The following SLC30A9 variants were observed in gnomAD, a reference collection of about 807,000 sequenced individuals.
SLC30A9 encodes solute carrier family 30 member 9.
In SLC30A9, 58 loss-of-function variants were observed where a neutral mutation model predicts 87.5. The observed-to-expected ratio is 0.66, with a 90% CI of 0.54 to 0.82. The LOEUF is 0.82. Among genes scored for constraint, SLC30A9 ranks in the 40% least tolerant of loss-of-function variants. The probability of loss-of-function intolerance (pLI) is 0.00; values close to 1 mark genes in which losing one functional copy is unlikely to be tolerated. For synonymous variants in SLC30A9, 234 were observed against 233.0 expected (o/e 1.00, Z -0.04); for missense variants, 557 against 679.1 (o/e 0.82, Z 2.00).
At chr4:42,023,695 G>A (rs572345127) in intron 6 of SLC30A9, among the ~76,000 whole-genome samples, 9 of 152,172 alleles carry the variant, frequency 5.9e-5, no homozygotes, top group Non-Finnish European at 1.5e-5. Context: ...AGAATAGGAA[G>A]TAATTGCTGT....
intron 2 of SLC30A9, among the ~76,000 whole-genome samples, chr4:42,008,319 C>T (rs371184395): frequency 1.6e-4 from 25 of 152,286 alleles, no homozygotes; most frequent in African/African-American, 5.3e-4. Flanking sequence ...TAATACTACC[C>T]TAATTTAATT....
chr4:42,014,462 CAGG>C (rs1715609160), intron 2 of SLC30A9, among the ~76,000 whole-genome samples: 1 of 151,424 alleles, frequency 6.6e-6, no homozygotes, highest in South Asian at 2.1e-4. Flanking sequence ...GAGGCTGAGG[CAGG>C]AGAATTGCTT....
At chr4:42,054,039 G>T (rs2153138997) in intron 9 of SLC30A9, among the ~76,000 whole-genome samples, 1 of 152,300 alleles carries the variant, frequency 6.6e-6, no homozygotes, top group African/African-American at 2.4e-5. Context: ...TCAAGGGTAT[G>T]TGTATTTGTT....
In SLC30A9 at chr4:42,039,018, G is replaced by A. The variant is rs200345900; in HGVS notation, c.702G>A (p.Lys234=). ...PRSRTASVFF[K]GPGKVVMVAI... is the part of the protein sequence containing the mutation. ...CCAGAACAGCATCAGTGTTTTTTAA[G>A]GGACCAGGAAAAGTGGTGATGGTTG... is the stretch of plus-strand genomic sequence containing the variant. Residue 234 remains lysine (K), a synonymous_variant, in exon 8 of 18, where the codon AAG becomes AAA. Coordinates refer to ENST00000264451, the MANE Select transcript of SLC30A9 (RefSeq NM_006345.4). 1.2e-6 allele frequency: 2 copies of A among 1,613,758 alleles called. No individual in the cohort carries two copies. The highest frequency in any genetic ancestry group is 2.2e-5 in the East Asian group (1 of 44,832).
In SLC30A9 at chr4:42,060,261, T is replaced by C; in HGVS notation, c.896+15T>C. 1 of 1,602,448 alleles carries C rather than the reference T, an allele frequency of 6.2e-7. No individual in the cohort carries two copies. Among genetic ancestry groups the C allele is most frequent in the Non-Finnish European group, 8.5e-7 (1 of 1,170,158 alleles). ...CCTTCTCATCCGTAAGGACATTGCC[T>C]TATTTTGTTTTTGTTTGTTTTGGCG... On this transcript the variant is annotated intron_variant, in intron 10 of 17. Transcript: ENST00000264451.
In SLC30A9 at chr4:41,990,569, G is replaced by C; in HGVS notation, c.-83G>C. 1 of 786,442 alleles carries C rather than the reference G, an allele frequency of 1.3e-6. No individual in the cohort carries two copies. The highest frequency in any genetic ancestry group is 1.7e-5 in the South Asian group (1 of 58,012). 48.7% of individuals were successfully genotyped at this position (786,442 alleles called of 1,614,324 possible). ...GGCGAAGCCATCGGTGTTCGCTGAT[G>C]TCCAGTCTATGGAGTCAGTTGGTAC... On this transcript the variant is annotated 5_prime_UTR_variant, in exon 1 of 18. It removes an upstream start codon present in the reference 5' UTR. Transcript: ENST00000264451.
chr4:42,064,145 T>C (rs903960312), intron 11 of SLC30A9, among the ~76,000 whole-genome samples: 2 of 152,148 alleles, frequency 1.3e-5, no homozygotes, highest in Non-Finnish European at 2.9e-5. Flanking sequence ...TACTGAACAA[T>C]CTTAGTAGCT....
intron 9 of SLC30A9, among the ~76,000 whole-genome samples, chr4:42,053,980 C>T (rs1249784153): frequency 1.3e-5 from 2 of 152,004 alleles, no homozygotes; most frequent in Non-Finnish European, 2.9e-5. Context: ...GCACAGGGAG[C>T]TTTTTGGGAA....
chr4:42,048,109 G>A (rs186905984), intron 8 of SLC30A9, among the ~76,000 whole-genome samples: 1 of 152,216 alleles, frequency 6.6e-6, no homozygotes, highest in East Asian at 1.9e-4. Flanking sequence ...GATAGCATTA[G>A]GAGAAATACC....
intron 14 of SLC30A9, among the ~76,000 whole-genome samples, chr4:42,069,813 C>G (rs532938669): frequency 6.6e-6 from 1 of 152,308 alleles, no homozygotes; most frequent in African/African-American, 2.4e-5. Context: ...ATATTAGAAT[C>G]AGAATCACCT....
intron 8 of SLC30A9, among the ~76,000 whole-genome samples, chr4:42,041,873 G>C (rs1716935646): frequency 6.6e-6 from 1 of 152,180 alleles, no homozygotes; most frequent in Non-Finnish European, 1.5e-5. Context: ...TCATCTCATT[G>C]GGACTGGTCA....
At chr4:42,024,726 A>G (rs1212741654) in intron 6 of SLC30A9, among the ~76,000 whole-genome samples, 1 of 152,184 alleles carries the variant, frequency 6.6e-6, no homozygotes, top group East Asian at 1.9e-4. Flanking sequence ...CCCATGCTGG[A>G]TATTAACAAG....
Position 42,012,257 on chromosome 4 carries a change from T to A in SLC30A9, c.275-5854T>A, listed in dbSNP as rs57158545. Among the ~76,000 whole-genome samples the A allele has an allele frequency of 9.6e-3, 1,467 of 152,244 alleles. 26 individuals carry two copies. The highest frequency in any genetic ancestry group is 0.034 in the African/African-American group (1,409 of 41,564). On this transcript the variant is annotated intron_variant, in intron 2 of 17. Coordinates refer to ENST00000264451, the MANE Select transcript of SLC30A9 (RefSeq NM_006345.4). Reference sequence around the variant, plus strand: ...CAGAATACTATCAGCCTAATTGTTGTTCTACTGAAGTAGACTTTTTACCTG... The same window carrying A: ...CAGAATACTATCAGCCTAATTGTTGATCTACTGAAGTAGACTTTTTACCTG...
chr4:42,084,260 A>C (rs12108283), intron 17 of SLC30A9, among the ~76,000 whole-genome samples: 42,292 of 152,008 alleles, frequency 0.28, 8,316 homozygotes, highest in African/African-American at 0.56. Flanking sequence ...TAATACTTTT[A>C]GTATGTCTTT....
intron 9 of SLC30A9, among the ~76,000 whole-genome samples, chr4:42,052,895 A>G (rs1458359775): frequency 2.0e-5 from 3 of 152,248 alleles, no homozygotes; most frequent in African/African-American, 7.2e-5. Flanking sequence ...TCAAAATTAA[A>G]AACTTTTGCT....
At chr4:41,998,203 A>G (rs574240138) in intron 1 of SLC30A9, among the ~76,000 whole-genome samples, 1 of 152,346 alleles carries the variant, frequency 6.6e-6, no homozygotes, top group South Asian at 2.1e-4. Context: ...AGAGGCCATG[A>G]GAGTAAAATA....
chr4:42,014,962 G>A (rs546781187), intron 2 of SLC30A9, among the ~76,000 whole-genome samples: 1 of 152,222 alleles, frequency 6.6e-6, no homozygotes, highest in African/African-American at 2.4e-5. Context: ...ACTGCAGTTA[G>A]ATAGAATGAA....
intron 6 of SLC30A9, among the ~76,000 whole-genome samples, chr4:42,035,013 A>G (rs1716621556): frequency 6.6e-6 from 1 of 152,036 alleles, no homozygotes; most frequent in Admixed American, 6.6e-5. Flanking sequence ...TGGTTTTCAT[A>G]TGTATTTCTC....
intron 1 of SLC30A9, among the ~76,000 whole-genome samples, chr4:42,000,029 G>A (rs1028327481): frequency 7.2e-5 from 11 of 152,058 alleles, no homozygotes; most frequent in African/African-American, 2.2e-4. Context: ...CAATGGGTAC[G>A]TGGCAGTTTA....
Sources: allele counts gnomAD v4.1 joint callset (sites outside exome capture counted in the v4.1 genomes callset), GRCh38; gene constraint gnomAD v4.1.1; transcripts MANE v1.5; gene names NCBI Gene and HGNC (gene_info 2026-07-23, HGNC 2026-07-21).